Variants in ODAD4 observed in about 807,000 individuals in gnomAD.
The protein encoded by ODAD4 is outer dynein arm docking complex subunit 4.
Under a neutral mutation model 51.8 loss-of-function variants are expected in ODAD4, and 49 were observed. The ratio of observed to expected loss-of-function variants is 0.95; its 90% CI spans 0.75 to 1.20. The LOEUF (loss-of-function observed/expected upper bound fraction) is 1.20. ODAD4 is among the 50% of genes most tolerant of loss of function. ODAD4 has a pLI of 0.00. For synonymous variants in ODAD4, 235 were observed against 221.3 expected (o/e 1.06, Z -0.55); for missense variants, 590 against 586.5 (o/e 1.01, Z -0.06).
At position 41,934,595 on chromosome 17, in the gene ODAD4, G is replaced by A. The variant is rs190464760; in HGVS notation, c.115-622G>A. Among the ~76,000 whole-genome samples the A allele has an allele frequency of 2.0e-3, 300 of 151,674 alleles. 3 individuals are homozygous for A. The highest frequency in any genetic ancestry group is 6.9e-3 in the African/African-American group (284 of 41,328). On this transcript the variant is annotated intron_variant, in intron 1 of 11. Transcript: ENST00000377540. ...TCAAACTCTTGGGCTCAAGCGTTCCGCCCACCTCGACCTGCCAAAGTGCTG... is the reference window on the plus strand; with the variant it reads ...TCAAACTCTTGGGCTCAAGCGTTCCACCCACCTCGACCTGCCAAAGTGCTG...
chr17:41,930,659 C>A lies in ODAD4; in HGVS notation c.-65C>A. 1 of 1,080,344 alleles carries A rather than the reference C, an allele frequency of 9.3e-7. No homozygotes were observed. The highest frequency in any genetic ancestry group is 1.4e-6 in the Non-Finnish European group (1 of 723,194). 66.9% of individuals were successfully genotyped at this position (1,080,344 alleles called of 1,614,324 possible). A position where few individuals can be genotyped will look rare whatever the true frequency, so the allele number is the denominator to read the frequency against. ...TGCTAAGAAACGGAGCTTCCACAAA[C>A]CAGATAGAGGTTCTCCAGCTTTTCT... is the stretch of plus-strand genomic sequence containing the variant. On this transcript the variant is annotated 5_prime_UTR_variant, in exon 1 of 12. Transcript: ENST00000377540.
At chr17:41,940,897 C>T (rs2050495781) in intron 7 of ODAD4, among the ~76,000 whole-genome samples, 1 of 152,318 alleles carries the variant, frequency 6.6e-6, no homozygotes, top group Non-Finnish European at 1.5e-5. Context: ...ATGTCCAAAT[C>T]GGAATCCCTT....
intron 7 of ODAD4, among the ~76,000 whole-genome samples, chr17:41,942,299 C>T (rs1188457171): frequency 2.0e-5 from 3 of 152,140 alleles, no homozygotes; most frequent in Non-Finnish European, 2.9e-5. Flanking sequence ...CTTGTGAGTC[C>T]CATGTGCTCC....
intron 8 of ODAD4, among the ~76,000 whole-genome samples, chr17:41,946,890 C>T (rs369264158): frequency 6.6e-6 from 1 of 150,570 alleles, no homozygotes; most frequent in Non-Finnish European, 1.5e-5. Context: ...TCGCTCTGTC[C>T]CCCACGCTGG....
chr17:41,965,556 C>T lies in ODAD4; in HGVS notation c.*73C>T. 12 of 680,532 alleles carry T rather than the reference C, an allele frequency of 1.8e-5. No individual in the cohort carries two copies. The South Asian group carries it at 2.1e-4, about 12-fold the overall frequency. 42.2% of individuals were successfully genotyped at this position (680,532 alleles called of 1,614,324 possible). A position where few individuals can be genotyped will look rare whatever the true frequency, so the allele number is the denominator to read the frequency against. On this transcript the variant is annotated 3_prime_UTR_variant, in exon 12 of 12. Coordinates refer to ENST00000377540, the MANE Select transcript of ODAD4 (RefSeq NM_031421.5). ...ATGGGATTTTATTAAACTGGATTTT[C>T]AAGCGATTTGTCTGTTATAGGAAAA...
intron 7 of ODAD4, among the ~76,000 whole-genome samples, chr17:41,940,143 C>T (rs574873843): frequency 6.6e-6 from 1 of 152,288 alleles, no homozygotes; most frequent in South Asian, 2.1e-4. Context: ...CTACCCATCT[C>T]ACCAGTCTGA....
chr17:41,933,706 C>T (rs181070584), intron 1 of ODAD4, among the ~76,000 whole-genome samples: 29 of 151,812 alleles, frequency 1.9e-4, no homozygotes, highest in South Asian at 6.2e-4. Flanking sequence ...CCCAGGTACT[C>T]GGGAGGCTGA....
At position 41,938,957 on chromosome 17, in the gene ODAD4, T is replaced by G. The variant is rs375369331; in HGVS notation, c.851-8T>G. 7.5e-6 allele frequency: 12 copies of G among 1,606,302 alleles called. No homozygotes were observed. The highest frequency in any genetic ancestry group is 1.0e-5 in the Non-Finnish European group (12 of 1,176,336). On this transcript the variant is annotated splice_polypyrimidine_tract_variant and splice_region_variant and intron_variant, in intron 6 of 11. Coordinates refer to ENST00000377540, the MANE Select transcript of ODAD4 (RefSeq NM_031421.5). Reference sequence around the variant, plus strand: ...CCTGGCCTCCACAGCACCCCTTTCCTTTCTCAGTGCTCACAAGTGGCAGTG... The same window carrying G: ...CCTGGCCTCCACAGCACCCCTTTCCGTTCTCAGTGCTCACAAGTGGCAGTG...
intron 10 of ODAD4, among the ~76,000 whole-genome samples, chr17:41,958,794 G>A (rs1405827983): frequency 6.6e-6 from 1 of 151,956 alleles, no homozygotes; most frequent in Non-Finnish European, 1.5e-5. Flanking sequence ...GGAGGCCGAG[G>A]CGGGTGGATC....
rs201520729 is a variant in ODAD4 at position 41,954,979 on chromosome 17, C to T, written c.1343-238C>T. 5.7e-5 allele frequency: 35 copies of T among 616,480 alleles called. No individual in the cohort carries two copies. The East Asian group carries it at 7.2e-4, about 13-fold the overall frequency. 38.2% of individuals were successfully genotyped at this position (616,480 alleles called of 1,614,324 possible). On this transcript the variant is annotated intron_variant, in intron 9 of 11. Coordinates refer to ENST00000377540, the MANE Select transcript of ODAD4 (RefSeq NM_031421.5). ...CACCACAGTCCCCTTCTCTCACCAA[C>T]GCCTTTGAATGAGGCCCAGGTTCCT... is the stretch of plus-strand genomic sequence containing the variant.
intron 8 of ODAD4, 114 bp downstream of exon 8, chr17:41,945,336 C>A: frequency 1.5e-6 from 1 of 658,376 alleles, no homozygotes; most frequent in Non-Finnish European, 2.5e-6. Context: ...GGAAGACTCC[C>A]TCTCTACAAA....
At chr17:41,959,365 G>A (rs1223178754) in intron 10 of ODAD4, among the ~76,000 whole-genome samples, 3 of 152,230 alleles carry the variant, frequency 2.0e-5, no homozygotes, top group African/African-American at 7.2e-5. Flanking sequence ...CTGCTGGAGT[G>A]AAGTAAACGG....
chr17:41,936,451 G>T, intron 3 of ODAD4, 22 bp from the exon 4 acceptor site: 1 of 1,603,572 alleles, frequency 6.2e-7, no homozygotes, highest in Non-Finnish European at 8.5e-7. Flanking sequence ...GCCGACCTGA[G>T]CTCCAGCTTC....
chr17:41,935,743 G>A lies in ODAD4; in HGVS notation c.391G>A (p.Val131Met). 6.2e-7 allele frequency: 1 copy of A among 1,613,954 alleles called. No homozygotes were observed. Among genetic ancestry groups the A allele is most frequent in the Non-Finnish European group, 8.5e-7 (1 of 1,179,846 alleles). The change falls in exon 3 of 12, where the codon GTG (valine) becomes ATG (methionine). Residue 131 changes from valine (V) to methionine (M), a missense_variant. Physicochemically the swap from Val to Met is conservative, Grantham distance 21. Coordinates refer to ENST00000377540, the MANE Select transcript of ODAD4 (RefSeq NM_031421.5). ...AGCCCAGGAAGCCATCAACAACTCA[G>A]TGGGAAGTGAGTGACCACAGGGCCT... is the stretch of plus-strand genomic sequence containing the variant. ...QKAQEAINNS[V>M]GSPSSIKLEN...
chr17:41,946,912 G>A (rs373129700), intron 8 of ODAD4, among the ~76,000 whole-genome samples: 35 of 151,616 alleles, frequency 2.3e-4, no homozygotes, highest in African/African-American at 4.1e-4. Flanking sequence ...GTGCAGTGGC[G>A]TGATCTCGGC....
chr17:41,961,686 G>A (rs1224029555), intron 11 of ODAD4, among the ~76,000 whole-genome samples: 2 of 152,200 alleles, frequency 1.3e-5, no homozygotes, highest in Non-Finnish European at 2.9e-5. Context: ...GCCCCAGAGC[G>A]CACTCATTTC....
intron 7 of ODAD4, among the ~76,000 whole-genome samples, chr17:41,944,893 G>A (rs1013937880): frequency 6.6e-6 from 1 of 152,136 alleles, no homozygotes; most frequent in African/African-American, 2.4e-5. Flanking sequence ...AAAGGCAATT[G>A]CTGGTTCAAA....
chr17:41,947,978 TGTG>T (rs1350680301), intron 8 of ODAD4, among the ~76,000 whole-genome samples: 1 of 149,598 alleles, frequency 6.7e-6, no homozygotes, highest in Admixed American at 6.7e-5. Context: ...ATTGGCCAGG[TGTG>T]GTGGCACATG....
Position 41,965,975 on chromosome 17 carries a change from G to A in ODAD4, c.*492G>A, listed in dbSNP as rs2050880642. 1.3e-5 allele frequency among the ~76,000 whole-genome samples: 2 copies of A among 152,140 alleles called. No homozygotes were observed. Among genetic ancestry groups the A allele is most frequent in the African/African-American group, 4.8e-5 (2 of 41,432 alleles). On this transcript the variant is annotated 3_prime_UTR_variant, in exon 12 of 12. Coordinates refer to ENST00000377540, the MANE Select transcript of ODAD4 (RefSeq NM_031421.5). ...AATGCTGGGAGTGAGGCCAAAGATA[G>A]GGGAGTGGCCTGGGAGTCGGGAGGG...
Sources: gnomAD v4.1 joint callset for allele counts (sites outside exome capture counted in the v4.1 genomes callset) on GRCh38, gnomAD v4.1.1 for gene constraint, MANE v1.5 for transcripts, NCBI Gene and HGNC (gene_info 2026-07-23, HGNC 2026-07-21) for gene names.